The following BCAS4 variants were observed in gnomAD, a reference collection of about 807,000 sequenced individuals.
BCAS4 encodes the protein breast carcinoma-amplified sequence 4.
Under a neutral mutation model 15.7 loss-of-function variants are expected in BCAS4, and 9 were observed. The ratio of observed to expected loss-of-function variants is 0.57; its 90% CI spans 0.34 to 1.00. BCAS4 has a LOEUF of 1.00. Among genes scored for constraint, BCAS4 ranks in the 50% least tolerant of loss-of-function variants. The pLI is 0.02. For synonymous variants in BCAS4, 101 were observed against 99.5 expected (o/e 1.02, Z -0.09); for missense variants, 225 against 239.1 (o/e 0.94, Z 0.39).
chr20:50,873,078 TG>T (rs1187176971), intron 4 of BCAS4, among the ~76,000 whole-genome samples: 1 of 152,252 alleles, frequency 6.6e-6, no homozygotes, highest in Non-Finnish European at 1.5e-5. Flanking sequence ...TTCCCCTCTG[TG>T]ACCAGGAAGG....
chr20:50,841,541 A>G (rs544296605), intron 3 of BCAS4, among the ~76,000 whole-genome samples: 1 of 152,152 alleles, frequency 6.6e-6, no homozygotes, highest in African/African-American at 2.4e-5. Flanking sequence ...CAGGGTCCCT[A>G]TGGGGAAAAA....
chr20:50,833,152 C>G lies in BCAS4; in HGVS notation c.264+2772C>G, dbSNP rs376641066. 2.4e-4 allele frequency: 37 copies of G among 152,626 alleles called. 1 individual carries two copies. The highest frequency in any genetic ancestry group is 8.7e-4 in the African/African-American group (36 of 41,560). 9.5% of individuals were successfully genotyped at this position (152,626 alleles called of 1,614,324 possible). On this transcript the variant is annotated intron_variant, in intron 3 of 4. Coordinates refer to ENST00000371608, the MANE Select transcript of BCAS4 (RefSeq NM_198799.4). ...TAGGTGGGTGCAGCTCAGGCAGGGG[C>G]TCCAGGCAGGATCTTGGCTCTGAGC...
chr20:50,871,244 G>A (rs6063571), intron 4 of BCAS4, among the ~76,000 whole-genome samples: 68,054 of 152,170 alleles, frequency 0.45, 18,542 homozygotes, highest in East Asian at 0.68. Flanking sequence ...CCTCCCTCCC[G>A]GGACCCCTGA....
Position 50,796,486 on chromosome 20 carries a change from TA to T in BCAS4, c.90+1314del, listed in dbSNP as rs1354867098. 5.7e-3 allele frequency among the ~76,000 whole-genome samples: 68 copies of T among 11,888 alleles called. 1 individual carries two copies. Among genetic ancestry groups the T allele is most frequent in the African/African-American group, 9.9e-3 (23 of 2,330 alleles). The allele number at this position is 11,888 out of a possible 152,430, so 7.8% of individuals were successfully genotyped here. On this transcript the variant is annotated intron_variant, in intron 1 of 4. Transcript: ENST00000371608. Reference sequence around the variant, plus strand: ...ATATATATATATATATATATATATATATTTTTTTTTTTTTTTTTTTTTTTTT... The same window carrying T: ...ATATATATATATATATATATATATATTTTTTTTTTTTTTTTTTTTTTTTTT...
At chr20:50,806,523 G>A (rs2087991158) in intron 1 of BCAS4, among the ~76,000 whole-genome samples, 1 of 152,122 alleles carries the variant, frequency 6.6e-6, no homozygotes, top group African/African-American at 2.4e-5. Context: ...CATTCAGCTG[G>A]AGGATTGGCC....
intron 4 of BCAS4, among the ~76,000 whole-genome samples, chr20:50,859,360 C>T (rs1978947413): frequency 6.6e-6 from 1 of 152,144 alleles, no homozygotes; most frequent in African/African-American, 2.4e-5. Context: ...CTGTTCAGAC[C>T]CTTGGCGTGG....
At chr20:50,850,643 C>T (rs1253099597) in intron 4 of BCAS4, among the ~76,000 whole-genome samples, 1 of 152,130 alleles carries the variant, frequency 6.6e-6, no homozygotes, top group African/African-American at 2.4e-5. Flanking sequence ...TTTGTTGAGG[C>T]CTATCTGGAA....
intron 4 of BCAS4, among the ~76,000 whole-genome samples, chr20:50,868,539 C>T (rs954492908): frequency 6.6e-6 from 1 of 152,202 alleles, no homozygotes; most frequent in East Asian, 1.9e-4. Context: ...CCTCTCACCT[C>T]GGCCTCCTGA....
intron 1 of BCAS4, among the ~76,000 whole-genome samples, chr20:50,806,447 A>G (rs371867077): frequency 3.9e-5 from 6 of 152,316 alleles, no homozygotes; most frequent in African/African-American, 1.4e-4. Flanking sequence ...ATCACTGGAT[A>G]GCAAACTATC....
chr20:50,819,562 G>C (rs896866303), intron 2 of BCAS4, among the ~76,000 whole-genome samples: 1 of 152,130 alleles, frequency 6.6e-6, no homozygotes, highest in Non-Finnish European at 1.5e-5. Flanking sequence ...AGCCACCCTA[G>C]ACAGCAGGCA....
At chr20:50,831,080 A>G (rs538701292) in intron 3 of BCAS4, among the ~76,000 whole-genome samples, 238 of 152,134 alleles carry the variant, frequency 1.6e-3, no homozygotes, top group African/African-American at 5.4e-3. Flanking sequence ...GATGACCCAA[A>G]TTGAGAGAGA....
chr20:50,825,248 T>G (rs1444382459), intron 2 of BCAS4, among the ~76,000 whole-genome samples: 1 of 152,220 alleles, frequency 6.6e-6, no homozygotes, highest in East Asian at 1.9e-4. Context: ...CTTTAATAAA[T>G]TTTTAATTTT....
At chr20:50,804,516 T>C (rs968371134) in intron 1 of BCAS4, among the ~76,000 whole-genome samples, 2 of 152,252 alleles carry the variant, frequency 1.3e-5, no homozygotes, top group African/African-American at 2.4e-5. Flanking sequence ...CAGAGTGTCC[T>C]GCAATAAATA....
At chr20:50,812,914 C>T (rs1263934664) in intron 1 of BCAS4, among the ~76,000 whole-genome samples, 3 of 152,138 alleles carry the variant, frequency 2.0e-5, no homozygotes, top group Non-Finnish European at 2.9e-5. Flanking sequence ...CTTCTGGGCT[C>T]AAGTGCTTTT....
chr20:50,812,774 A>C (rs2088087578), intron 1 of BCAS4, among the ~76,000 whole-genome samples: 1 of 151,732 alleles, frequency 6.6e-6, no homozygotes, highest in Non-Finnish European at 1.5e-5. Flanking sequence ...ATATTGTGCA[A>C]GTTTTTGTGA....
intron 4 of BCAS4, among the ~76,000 whole-genome samples, chr20:50,875,287 C>T (rs558179937): frequency 6.6e-6 from 1 of 152,170 alleles, no homozygotes; most frequent in South Asian, 2.1e-4. Flanking sequence ...CAGCAGCCTG[C>T]AGGAGCCCGC....
Position 50,842,800 on chromosome 20 carries a change from G to C in BCAS4, c.399+900G>C, listed in dbSNP as rs182364631. On this transcript the variant is annotated intron_variant, in intron 4 of 4. Coordinates refer to ENST00000371608, the MANE Select transcript of BCAS4 (RefSeq NM_198799.4). The stretch of plus-strand genomic sequence containing the variant: ...TTGTCTGAGGCCACGGGCCTGGAGC[G>C]CCTGTTTCTGGTGACTTGCCCCCTT... 2.0e-5 allele frequency among the ~76,000 whole-genome samples: 3 copies of C among 152,292 alleles called. No homozygotes were observed. The East Asian group carries it at 5.8e-4, about 29-fold the overall frequency.
At chr20:50,879,385 T>G (rs1242310694), downstream of BCAS4, 1 of 152,202 alleles carries the variant, frequency 6.6e-6, no homozygotes, top group East Asian at 1.9e-4. Flanking sequence ...GGTGCTGTGG[T>G]GCACCCCTGT....
At chr20:50,882,439 CAT>C in the BCAS4 span, 1 of 152,156 alleles carries the variant, frequency 6.6e-6, no homozygotes, top group South Asian at 2.1e-4. Context: ...GGTGTGGAAA[CAT>C]CGCCAAGATA....
Sources: allele counts gnomAD v4.1 joint callset (sites outside exome capture counted in the v4.1 genomes callset), GRCh38; gene constraint gnomAD v4.1.1; transcripts MANE v1.5; gene names NCBI Gene and HGNC (gene_info 2026-07-23, HGNC 2026-07-21).